C10orf71: variants seen among roughly 807,000 people sequenced by gnomAD.
C10orf71 encodes the protein cardiac-enriched FHL2-interacting protein.
For synonymous variants in C10orf71, 758 were observed against 726.3 expected, an observed-to-expected ratio of 1.04 and a Z score of -0.70; for missense variants, 1,869 against 1,804.5, an observed-to-expected ratio of 1.04 and a Z score of -0.65.
chr10:49,321,583 G>T (rs1416580063), intron 2 of C10orf71, among the ~76,000 whole-genome samples: 1 of 152,190 alleles, frequency 6.6e-6, no homozygotes, highest in Non-Finnish European at 1.5e-5. Flanking sequence ...GGGAATGTTG[G>T]ATCATATAGT....
At position 49,323,827 on chromosome 10, in the gene C10orf71, G is replaced by A; in HGVS notation, c.1282G>A (p.Asp428Asn). ...ACAGTTTTCAGAAAACAATGCTCTT[G>A]ACCTGCCTGTGGAACCCAATGAACA... is the stretch of plus-strand genomic sequence containing the variant. ...QEQFSENNAL[D>N]LPVEPNEHYD... The change falls in exon 3 of 3, where the codon GAC becomes AAC. Residue 428 changes from aspartate to asparagine, a missense_variant. By Grantham distance (23) the Asp-to-Asn change is conservative. Coordinates refer to ENST00000374144, the MANE Select transcript of C10orf71 (RefSeq NM_001135196.2). 2 of 1,613,850 alleles carry A rather than the reference G, an allele frequency of 1.2e-6. No individual in the cohort carries two copies. The highest frequency in any genetic ancestry group is 1.7e-6 in the Non-Finnish European group (2 of 1,179,876).
Position 49,326,691 on chromosome 10 carries a change from A to G in C10orf71, c.4146A>G (p.Leu1382=). ...ARTQSVHESG[L]QLDPGPHGDC... ...CCCAGAGTGTCCACGAGTCTGGACT[A>G]CAGCTGGACCCAGGGCCTCACGGTG... The change falls in exon 3 of 3, where the codon CTA becomes CTG. Residue 1382 remains leucine (L), a synonymous_variant. Coordinates refer to ENST00000374144, the MANE Select transcript of C10orf71 (RefSeq NM_001135196.2). The G allele has an allele frequency of 6.4e-7, 1 of 1,551,086 alleles. No individual in the cohort carries two copies. Among genetic ancestry groups the G allele is most frequent in the Non-Finnish European group, 8.7e-7 (1 of 1,146,952 alleles).
upstream of C10orf71, among the ~76,000 whole-genome samples, chr10:49,298,487 C>A (rs143502189): frequency 6.6e-6 from 1 of 152,276 alleles, no homozygotes; most frequent in East Asian, 1.9e-4. Context: ...GATCTGTGGG[C>A]AGTTTGGGGA....
Position 49,326,633 on chromosome 10 carries a change from A to AGGGG in C10orf71, c.4091_4092insGGGG (p.Pro1365GlyfsTer28). On this transcript the variant is annotated frameshift_variant, in exon 3 of 3. Transcript: ENST00000374144. LOFTEE classifies it low-confidence loss of function (END_TRUNC). ...CTCTCCGCGCCCACCTTCCTCAGGC[A>AGGGG]GGGCCCTCGTGCCTCCGCGGCCCGC... The AGGGG allele has an allele frequency of 6.5e-7, 1 of 1,550,222 alleles. No individual in the cohort carries two copies. Among genetic ancestry groups the AGGGG allele is most frequent in the South Asian group, 1.2e-5 (1 of 84,028 alleles).
Position 49,325,443 on chromosome 10 carries a change from G to C in C10orf71, c.2898G>C (p.Glu966Asp). ...TCCCATCTATGCCTCTGGTGGGAGA[G>C]GGGGACCGGGTGAAGGCACCACCAG... ...GNFPSMPLVG[E>D]GDRVKAPPDA... The change falls in exon 3 of 3, where the codon GAG becomes GAC. Residue 966 changes from glutamate (E) to aspartate (D), a missense_variant. By Grantham distance (45) the Glu-to-Asp change is conservative (BLOSUM62 2). Transcript: ENST00000374144. 6.5e-7 allele frequency: 1 copy of C among 1,550,080 alleles called. No individual in the cohort carries two copies. Among genetic ancestry groups the C allele is most frequent in the East Asian group, 2.4e-5 (1 of 40,874 alleles).
At chr10:49,304,669 G>T (rs534135322) in intron 1 of C10orf71, among the ~76,000 whole-genome samples, 9 of 152,300 alleles carry the variant, frequency 5.9e-5, no homozygotes, top group African/African-American at 2.2e-4. Context: ...TCCTCTCTCT[G>T]CCAAGGCTGG....
chr10:49,322,841 T>G lies in C10orf71; in HGVS notation c.296T>G (p.Phe99Cys). Residue 99 changes from phenylalanine to cysteine, a missense_variant, in exon 3 of 3, where the codon TTC becomes TGC. Physicochemically the swap from Phe to Cys is radical, Grantham distance 205 (BLOSUM62 -2). Transcript: ENST00000374144. ...GAACATTCGGGCTGGGCGGCCACCTTCCAACAGCTACCCAAGTACGTTCAG... is the reference window on the plus strand; with the variant it reads ...GAACATTCGGGCTGGGCGGCCACCTGCCAACAGCTACCCAAGTACGTTCAG... ...GTEHSGWAAT[F>C]QQLPKYVQGE... is the part of the protein sequence containing the mutation. 6.2e-7 allele frequency: 1 copy of G among 1,613,840 alleles called. No homozygotes were observed. The highest frequency in any genetic ancestry group is 1.3e-5 in the African/African-American group (1 of 74,970).
chr10:49,320,234 G>C lies in C10orf71; in HGVS notation c.-144-2168G>C, dbSNP rs188017273. On this transcript the variant is annotated intron_variant, in intron 2 of 2. Transcript: ENST00000374144. The stretch of plus-strand genomic sequence containing the variant: ...GTTGGGCACAAGGGGCATGTTGCTG[G>C]AGCCCAGTCAGAGACTGGGGGAGGG... Among the ~76,000 whole-genome samples, 592 of 152,324 alleles carry C rather than the reference G, an allele frequency of 3.9e-3. 2 individuals are homozygous for C. Among genetic ancestry groups the C allele is most frequent in the Non-Finnish European group, 5.6e-3 (382 of 68,024 alleles).
At position 49,323,590 on chromosome 10, in the gene C10orf71, T is replaced by C. The variant is rs780358490; in HGVS notation, c.1045T>C (p.Trp349Arg). ...AAGALSTSIP[W>R]GCRDPGAQVF... ...AGGGGCTCTGTCCACATCTATACCCTGGGGGTGCAGGGATCCAGGAGCCCA... is the reference window on the plus strand; with the variant it reads ...AGGGGCTCTGTCCACATCTATACCCCGGGGGTGCAGGGATCCAGGAGCCCA... The change falls in exon 3 of 3, where the codon TGG (tryptophan) becomes CGG (arginine). Residue 349 changes from tryptophan (W) to arginine (R), a missense_variant. Physicochemically the swap from Trp to Arg is moderately radical, Grantham distance 101 (BLOSUM62 -3). Transcript: ENST00000374144. The C allele has an allele frequency of 4.4e-6, 7 of 1,602,308 alleles. No homozygotes were observed. The African/African-American group carries it at 9.4e-5, about 22-fold the overall frequency.
rs1849121073 is a variant in C10orf71, at chr10:49,322,821, T to C, written c.276T>C (p.His92=). 6.2e-7 allele frequency: 1 copy of C among 1,613,748 alleles called. No homozygotes were observed. The highest frequency in any genetic ancestry group is 8.5e-7 in the Non-Finnish European group (1 of 1,179,854). ...AGTTACCGTCACAGGGCACGGAACATTCGGGCTGGGCGGCCACCTTCCAAC... is the reference window on the plus strand; with the variant it reads ...AGTTACCGTCACAGGGCACGGAACACTCGGGCTGGGCGGCCACCTTCCAAC... ...WSQLPSQGTE[H]SGWAATFQQL... is the part of the protein sequence containing the mutation. Residue 92 remains histidine (H), a synonymous_variant, in exon 3 of 3, where the codon CAT becomes CAC. Transcript: ENST00000374144.
rs1849108898 is a variant in C10orf71 at position 49,322,415 on chromosome 10, T to A, written c.-131T>A. 1.8e-6 allele frequency: 2 copies of A among 1,092,808 alleles called. No individual in the cohort carries two copies. Among genetic ancestry groups the A allele is most frequent in the East Asian group, 2.7e-5 (1 of 36,718 alleles). 67.7% of individuals were successfully genotyped at this position (1,092,808 alleles called of 1,614,324 possible). ...TTTCTTTTGCAGAGAAAAAAAAAAA[T>A]CCCCACTTTGCAATTGCATCTGGTC... On this transcript the variant is annotated 5_prime_UTR_variant, in exon 3 of 3. Transcript: ENST00000374144.
At chr10:49,311,916 CG>C (rs1564685323) in intron 1 of C10orf71, among the ~76,000 whole-genome samples, 1 of 152,010 alleles carries the variant, frequency 6.6e-6, no homozygotes. Context: ...GAATTGTATC[CG>C]CAAAAAGCAG....
At position 49,323,110 on chromosome 10, in the gene C10orf71, G is replaced by A. The variant is rs966600845; in HGVS notation, c.565G>A (p.Asp189Asn). Residue 189 changes from aspartate to asparagine, a missense_variant, in exon 3 of 3, where the codon GAT becomes AAT. Asp to Asn is a conservative substitution (Grantham distance 23). Coordinates refer to ENST00000374144, the MANE Select transcript of C10orf71 (RefSeq NM_001135196.2). ...LPENSVNFCF[D>N]SAFLTVRRVP... ...AGAAAACAGTGTCAACTTCTGCTTC[G>A]ATTCTGCCTTTCTGACAGTCAGGAG... 4 of 1,613,842 alleles carry A rather than the reference G, an allele frequency of 2.5e-6. No homozygotes were observed. Among genetic ancestry groups the A allele is most frequent in the African/African-American group, 1.3e-5 (1 of 74,910 alleles).
Position 49,323,508 on chromosome 10 carries a change from A to T in C10orf71, c.963A>T (p.Thr321=). Residue 321 remains threonine, a synonymous_variant, in exon 3 of 3, where the codon ACA becomes ACT. Coordinates refer to ENST00000374144, the MANE Select transcript of C10orf71 (RefSeq NM_001135196.2). ...LLREPCPPER[T]VSPCQVQASC... Reference sequence around the variant, plus strand: ...GAGAACCCTGTCCTCCTGAGCGCACAGTCTCTCCCTGCCAGGTCCAGGCCA... The same window carrying T: ...GAGAACCCTGTCCTCCTGAGCGCACTGTCTCTCCCTGCCAGGTCCAGGCCA... The T allele has an allele frequency of 6.2e-7, 1 of 1,612,794 alleles. No individual in the cohort carries two copies. The highest frequency in any genetic ancestry group is 8.5e-7 in the Non-Finnish European group (1 of 1,178,960).
At chr10:49,298,179 G>C (rs1200050459), upstream of C10orf71, among the ~76,000 whole-genome samples, 1 of 152,238 alleles carries the variant, frequency 6.6e-6, no homozygotes, top group East Asian at 1.9e-4. Context: ...AGAGCCCACA[G>C]GGGCAGAAGG....
At chr10:49,297,473 A>G (rs943633062), upstream of C10orf71, among the ~76,000 whole-genome samples, 8 of 152,242 alleles carry the variant, frequency 5.3e-5, no homozygotes, top group African/African-American at 1.9e-4. Flanking sequence ...GTCAATTTAA[A>G]TTTTCTTTAA....
At position 49,327,088 on chromosome 10, in the gene C10orf71, C is replaced by G. The variant is rs555132069; in HGVS notation, c.*235C>G. The G allele has an allele frequency of 5.4e-5, 77 of 1,435,252 alleles. No homozygotes were observed. The highest frequency in any genetic ancestry group is 4.5e-4 in the African/African-American group (32 of 71,028). The allele number at this position is 1,435,252 out of a possible 1,614,324, so 88.9% of individuals were successfully genotyped here. On this transcript the variant is annotated 3_prime_UTR_variant, in exon 3 of 3. Coordinates refer to ENST00000374144, the MANE Select transcript of C10orf71 (RefSeq NM_001135196.2). ...ATGGAGGGGCACTGCTTGCTTGGCC[C>G]GGTCCCCTCCGTGCCAGTTCCCAGG...
chr10:49,302,685 C>T (rs1383536313), intron 1 of C10orf71, among the ~76,000 whole-genome samples: 1 of 152,208 alleles, frequency 6.6e-6, no homozygotes, highest in Non-Finnish European at 1.5e-5. Context: ...CCCAGAGCTC[C>T]CAATAGATTC....
In C10orf71 at chr10:49,325,265, C is replaced by A. The variant is rs1048307566; in HGVS notation, c.2720C>A (p.Ala907Asp). Residue 907 changes from alanine to aspartate, a missense_variant, in exon 3 of 3, where the codon GCC (alanine) becomes GAC (aspartate). Physicochemically the swap from Ala to Asp is moderately radical, Grantham distance 126 (BLOSUM62 -2). Transcript: ENST00000374144. ...PEWGEDPGFC[A>D]PENQDILGTS... ...TGGGGTGAGGATCCTGGGTTTTGTG[C>A]CCCCGAAAACCAGGACATTCTTGGT... The A allele has an allele frequency of 2.1e-5, 33 of 1,551,592 alleles. No individual in the cohort carries two copies. The highest frequency in any genetic ancestry group is 2.8e-5 in the Non-Finnish European group (32 of 1,147,006).
Sources: gnomAD v4.1 joint callset for allele counts (sites outside exome capture counted in the v4.1 genomes callset) on GRCh38, gnomAD v4.1.1 for gene constraint, MANE v1.5 for transcripts, NCBI Gene and HGNC (gene_info 2026-07-23, HGNC 2026-07-21) for gene names.